PTPRM: variants seen among roughly 807,000 people sequenced by gnomAD.
PTPRM encodes protein tyrosine phosphatase receptor type M.
Under a neutral mutation model 186.7 loss-of-function variants are expected in PTPRM, and 47 were observed. The observed-to-expected ratio is 0.25, with a 90% CI of 0.20 to 0.32. The LOEUF (loss-of-function observed/expected upper bound fraction) is 0.32. Among genes scored for constraint, PTPRM ranks in the 10% least tolerant of loss-of-function variants. The pLI is 1.00. For missense variants in PTPRM, 1,494 were observed against 1,865.0 expected (o/e 0.80, Z 3.66); for synonymous variants, 668 against 674.9 (o/e 0.99, Z 0.16).
At chr18:7,880,786 GA>G (rs1248595325) in intron 2 of PTPRM, among the ~76,000 whole-genome samples, 1 of 152,192 alleles carries the variant, frequency 6.6e-6, no homozygotes, top group Non-Finnish European at 1.5e-5. Flanking sequence ...GGAGTTGGAG[GA>G]GGGGTGTAAC....
chr18:8,300,081 A>G (rs969434971), intron 20 of PTPRM, among the ~76,000 whole-genome samples: 1 of 152,164 alleles, frequency 6.6e-6, no homozygotes, highest in African/African-American at 2.4e-5. Context: ...TCTACCTCCT[A>G]CCACCATGAA....
intron 2 of PTPRM, among the ~76,000 whole-genome samples, chr18:7,793,023 A>G (rs2043422458): frequency 6.6e-6 from 1 of 152,140 alleles, no homozygotes; most frequent in Non-Finnish European, 1.5e-5. Context: ...CTTTCTGCAG[A>G]CTCTGCAAGG....
intron 2 of PTPRM, among the ~76,000 whole-genome samples, chr18:7,848,037 T>C (rs2046683574): frequency 6.6e-6 from 1 of 152,184 alleles, no homozygotes; most frequent in African/African-American, 2.4e-5. Context: ...TGAGTCTGAA[T>C]TCGCACCCAA....
chr18:8,384,393 G>A (rs2095758121), intron 29 of PTPRM, among the ~76,000 whole-genome samples, 168 bp from the exon 30 acceptor site: 1 of 152,144 alleles, frequency 6.6e-6, no homozygotes, highest in South Asian at 2.1e-4. Context: ...AGGAGCTCAA[G>A]GCTGCAGTGA....
At chr18:7,596,408 ACTT>A (rs1440161802) in intron 1 of PTPRM, among the ~76,000 whole-genome samples, 3 of 152,112 alleles carry the variant, frequency 2.0e-5, no homozygotes, top group African/African-American at 7.2e-5. Context: ...CTTTCACCTG[ACTT>A]CATCTTATCC....
intron 14 of PTPRM, among the ~76,000 whole-genome samples, chr18:8,170,214 G>C (rs1190372975): frequency 5.9e-5 from 9 of 152,122 alleles, no homozygotes; most frequent in Non-Finnish European, 1.2e-4. Flanking sequence ...ATGAATTTGA[G>C]GATATCTGTA....
chr18:7,929,264 C>T, intron 5 of PTPRM, among the ~76,000 whole-genome samples: 1 of 152,122 alleles, frequency 6.6e-6, no homozygotes, highest in Non-Finnish European at 1.5e-5. Flanking sequence ...TCAGTTTGAC[C>T]CCAACGTTTA....
At chr18:7,734,214 G>C (rs1469382418) in intron 1 of PTPRM, among the ~76,000 whole-genome samples, 1 of 152,184 alleles carries the variant, frequency 6.6e-6, no homozygotes, top group Admixed American at 6.5e-5. Context: ...GGACGACAGA[G>C]ATCAAGCACC....
At position 7,809,262 on chromosome 18, in the gene PTPRM, T is replaced by C. The variant is rs865900718; in HGVS notation, c.196+34991T>C. Among the ~76,000 whole-genome samples, 11 of 152,246 alleles carry C rather than the reference T, an allele frequency of 7.2e-5. 1 individual carries two copies. The highest frequency in any genetic ancestry group is 6.8e-3 in the Middle Eastern group (2 of 292). ...TCTCTCCAGGGCTTGGCCGAATTGC[T>C]CTGCTTCTCTGTGCTCTATTTTCCA... On this transcript the variant is annotated intron_variant, in intron 2 of 32. Coordinates refer to ENST00000580170, the MANE Select transcript of PTPRM (RefSeq NM_001105244.2).
At chr18:8,016,530 C>CAAAAAAAAAA (rs563624187) in intron 7 of PTPRM, among the ~76,000 whole-genome samples, 1 of 70,172 alleles carries the variant, frequency 1.4e-5, no homozygotes, top group African/African-American at 5.1e-5. Flanking sequence ...AAGAGTCTGT[C>CAAAAAAAAAA]AAAAAAAAAA....
intron 1 of PTPRM, among the ~76,000 whole-genome samples, chr18:7,715,567 GTC>G (rs2040310300): frequency 6.6e-6 from 1 of 152,120 alleles, no homozygotes; most frequent in African/African-American, 2.4e-5. Context: ...AAGTCAAATT[GTC>G]TCTGTTTGCA....
intron 2 of PTPRM, among the ~76,000 whole-genome samples, chr18:7,777,504 G>A (rs1209648070): frequency 1.3e-5 from 2 of 152,176 alleles, no homozygotes; most frequent in African/African-American, 4.8e-5. Flanking sequence ...TCCACAAAGC[G>A]TAAGATATTT....
chr18:7,936,424 T>A (rs1054639865), intron 5 of PTPRM, among the ~76,000 whole-genome samples: 15 of 152,350 alleles, frequency 9.8e-5, no homozygotes, highest in Admixed American at 9.1e-4. Flanking sequence ...TGGAGCAAAG[T>A]TGAGGCTAAA....
intron 5 of PTPRM, among the ~76,000 whole-genome samples, chr18:7,948,547 T>C (rs1332963241): frequency 6.6e-6 from 1 of 152,168 alleles, no homozygotes; most frequent in East Asian, 1.9e-4. Flanking sequence ...TGTGGAACTT[T>C]GTTTATGTGG....
chr18:7,949,480 G>T, intron 6 of PTPRM, 125 bp downstream of exon 6: 1 of 807,696 alleles, frequency 1.2e-6, no homozygotes, highest in Middle Eastern at 3.6e-4. Flanking sequence ...TTGATGACAG[G>T]CTATTTTGAT....
chr18:8,172,366 G>A (rs1029021751), intron 14 of PTPRM, among the ~76,000 whole-genome samples: 3 of 150,588 alleles, frequency 2.0e-5, no homozygotes, highest in Non-Finnish European at 4.4e-5. Context: ...GCAATTCATA[G>A]CCTGTTAGTA....
intron 17 of PTPRM, among the ~76,000 whole-genome samples, chr18:8,249,814 A>C (rs2094510908): frequency 6.6e-6 from 1 of 152,202 alleles, no homozygotes; most frequent in South Asian, 2.1e-4. Flanking sequence ...TGGACAGACA[A>C]TTCAAGTAGC....
intron 2 of PTPRM, among the ~76,000 whole-genome samples, chr18:7,868,876 T>G (rs967224096): frequency 3.3e-5 from 5 of 152,336 alleles, no homozygotes; most frequent in Admixed American, 6.5e-5. Flanking sequence ...ACCGCTGCCT[T>G]TCTTTCAGAG....
At chr18:7,835,026 ATGTT>A (rs2045970852) in intron 2 of PTPRM, among the ~76,000 whole-genome samples, 2 of 105,344 alleles carry the variant, frequency 1.9e-5, no homozygotes, top group South Asian at 5.8e-4. Flanking sequence ...GTCTGGCTAA[ATGTT>A]TGTCTGTTTA....
Sources: allele counts gnomAD v4.1 joint callset (sites outside exome capture counted in the v4.1 genomes callset), GRCh38; gene constraint gnomAD v4.1.1; transcripts MANE v1.5; gene names NCBI Gene and HGNC (gene_info 2026-07-23, HGNC 2026-07-21).